Variants in ZNF385D observed in about 807,000 individuals in gnomAD.
ZNF385D encodes the protein zinc finger protein 659.
In ZNF385D, 15 loss-of-function variants were observed where a neutral mutation model predicts 35.8. The observed-to-expected ratio is 0.42, with a 90% CI of 0.28 to 0.64. The LOEUF (loss-of-function observed/expected upper bound fraction) is 0.64, where lower values mean the gene tolerates loss of function less well. ZNF385D is among the 30% of genes least tolerant of loss of function. The pLI is 0.23. For synonymous variants in ZNF385D, 212 were observed against 186.8 expected, an observed-to-expected ratio of 1.13 and a Z score of -1.10; for missense variants, 474 against 494.6, an observed-to-expected ratio of 0.96 and a Z score of 0.39.
At chr3:22,205,931 G>A (rs2125251265) in intron 2 of ZNF385D, among the ~76,000 whole-genome samples, 1 of 152,046 alleles carries the variant, frequency 6.6e-6, no homozygotes, top group Middle Eastern at 3.4e-3. Context: ...GAATGTAAAT[G>A]GACTAAACTT....
intron 2 of ZNF385D, among the ~76,000 whole-genome samples, chr3:22,178,765 C>T (rs192308232): frequency 5.3e-5 from 8 of 151,990 alleles, no homozygotes; most frequent in Admixed American, 3.9e-4. Flanking sequence ...TTTTGTATAA[C>T]GTGTAAGGAA....
chr3:21,463,105 A>T (rs1703283323), intron 4 of ZNF385D, among the ~76,000 whole-genome samples: 1 of 152,230 alleles, frequency 6.6e-6, no homozygotes, highest in South Asian at 2.1e-4. Flanking sequence ...AAAGTAGGTT[A>T]AGGTAAAATG....
At chr3:21,889,850 C>T (rs1385494885) in intron 3 of ZNF385D, among the ~76,000 whole-genome samples, 1 of 152,140 alleles carries the variant, frequency 6.6e-6, no homozygotes, top group Non-Finnish European at 1.5e-5. Flanking sequence ...TCTGAAGGTG[C>T]CACAGAAGAG....
chr3:21,775,948 C>G (rs575645203), intron 3 of ZNF385D, among the ~76,000 whole-genome samples: 1 of 151,716 alleles, frequency 6.6e-6, no homozygotes, highest in East Asian at 1.9e-4. Context: ...TACACAAATA[C>G]TGCTAATAGT....
chr3:21,953,671 T>C (rs1702162365), intron 3 of ZNF385D, among the ~76,000 whole-genome samples: 2 of 152,078 alleles, frequency 1.3e-5, no homozygotes, highest in South Asian at 4.1e-4. Flanking sequence ...GAGAGCATTT[T>C]TGCCCTTCCA....
At chr3:21,982,921 T>C (rs751919186) in intron 3 of ZNF385D, among the ~76,000 whole-genome samples, 20 of 152,152 alleles carry the variant, frequency 1.3e-4, no homozygotes, top group Non-Finnish European at 2.6e-4. Flanking sequence ...TGAACCAACT[T>C]GCCTTCTGGG....
chr3:22,013,478 G>A (rs967466435), intron 3 of ZNF385D, among the ~76,000 whole-genome samples: 7 of 152,038 alleles, frequency 4.6e-5, no homozygotes, highest in African/African-American at 1.4e-4. Context: ...ATTTATTGCT[G>A]ATTTAGGGAC....
At chr3:22,189,403 A>C (rs1427451865) in intron 2 of ZNF385D, among the ~76,000 whole-genome samples, 1 of 152,118 alleles carries the variant, frequency 6.6e-6, no homozygotes, top group African/African-American at 2.4e-5. Context: ...AAATATATAC[A>C]TTGCTAGCCT....
At chr3:21,699,726 T>C (rs1382260501) in intron 1 of ZNF385D, among the ~76,000 whole-genome samples, 1 of 151,710 alleles carries the variant, frequency 6.6e-6, no homozygotes, top group African/African-American at 2.4e-5. Context: ...ATTATTTAAA[T>C]TAATTTTCCT....
At chr3:22,118,403 GAT>G (rs1702915944) in intron 3 of ZNF385D, among the ~76,000 whole-genome samples, 1 of 151,994 alleles carries the variant, frequency 6.6e-6, no homozygotes, top group Non-Finnish European at 1.5e-5. Context: ...ATCCAAGCAT[GAT>G]GCTTAACATC....
At chr3:22,145,194 C>G (rs927509922) in intron 3 of ZNF385D, among the ~76,000 whole-genome samples, 1 of 152,058 alleles carries the variant, frequency 6.6e-6, no homozygotes, top group Non-Finnish European at 1.5e-5. Context: ...TTAATTTTAC[C>G]TTCTTTATGG....
chr3:22,113,774 G>C (rs1191293056), intron 3 of ZNF385D, among the ~76,000 whole-genome samples: 2 of 152,016 alleles, frequency 1.3e-5, no homozygotes, highest in Non-Finnish European at 2.9e-5. Flanking sequence ...TCACGAGTCA[G>C]GAGATAAAGT....
chr3:21,736,371 T>G (rs1041672900), intron 1 of ZNF385D, among the ~76,000 whole-genome samples: 2 of 152,212 alleles, frequency 1.3e-5, no homozygotes, highest in Non-Finnish European at 2.9e-5. Flanking sequence ...ATTATTTTTT[T>G]AAAAAGTATG....
At chr3:22,329,228 G>T (rs1470417006) in intron 2 of ZNF385D, among the ~76,000 whole-genome samples, 1 of 151,842 alleles carries the variant, frequency 6.6e-6, no homozygotes, top group Admixed American at 6.6e-5. Flanking sequence ...TCTACAGATG[G>T]TGAGGTGTTG....
Position 21,787,944 on chromosome 3 carries a change from C to CAAAAAAAAAAAAAAAAAAA in ZNF385D, c.326-122935_326-122917dup, listed in dbSNP as rs560982379. 2.8e-4 allele frequency among the ~76,000 whole-genome samples: 21 copies of CAAAAAAAAAAAAAAAAAAA among 75,382 alleles called. 1 individual carries two copies. The highest frequency in any genetic ancestry group is 1.7e-3 in the East Asian group (3 of 1,758). 49.5% of individuals were successfully genotyped at this position (75,382 alleles called of 152,430 possible). A position where few individuals can be genotyped will look rare whatever the true frequency, so the allele number is the denominator to read the frequency against. On this transcript the variant is annotated intron_variant, in intron 3 of 5. Transcript: ENST00000494108. The stretch of plus-strand genomic sequence containing the variant: ...GCGACAGAGCGAGACTTCGTCTCAA[C>CAAAAAAAAAAAAAAAAAAA]AAAAAAAAAAAAAAAAAAAAAAAAA...
chr3:22,183,565 C>T (rs141182399), intron 2 of ZNF385D, among the ~76,000 whole-genome samples: 6,232 of 152,132 alleles, frequency 0.041, 191 homozygotes, highest in Non-Finnish European at 0.063. Context: ...ACCATATTGG[C>T]CAGGCTAGTC....
intron 3 of ZNF385D, among the ~76,000 whole-genome samples, chr3:22,149,808 T>G (rs1466703473): frequency 6.6e-6 from 1 of 152,182 alleles, no homozygotes; most frequent in East Asian, 1.9e-4. Flanking sequence ...CTCACCTTTC[T>G]CCCTCTTTGC....
At chr3:22,230,070 T>TA (rs1339126468) in intron 2 of ZNF385D, among the ~76,000 whole-genome samples, 13 of 152,320 alleles carry the variant, frequency 8.5e-5, no homozygotes, top group African/African-American at 3.1e-4. Flanking sequence ...CTGTGCCCAG[T>TA]AAAAATCCTT....
At chr3:22,071,770 A>G (rs1700238384) in intron 3 of ZNF385D, among the ~76,000 whole-genome samples, 1 of 152,098 alleles carries the variant, frequency 6.6e-6, no homozygotes, top group Admixed American at 6.6e-5. Flanking sequence ...AAGATTAGTA[A>G]AAGGCCTAAA....
Sources: gnomAD v4.1 joint callset for allele counts (sites outside exome capture counted in the v4.1 genomes callset) on GRCh38, gnomAD v4.1.1 for gene constraint, MANE v1.5 for transcripts, NCBI Gene and HGNC (gene_info 2026-07-23, HGNC 2026-07-21) for gene names.